The following MAST4 variants were observed in gnomAD, a reference collection of about 807,000 sequenced individuals.
MAST4 encodes microtubule-associated serine/threonine-protein kinase 4.
A neutral mutation model predicts 162.7 loss-of-function variants in MAST4; 89 were observed. That is an observed-to-expected ratio of 0.55 (90% CI 0.46 to 0.65). The LOEUF (loss-of-function observed/expected upper bound fraction) is 0.65. Among genes scored for constraint, MAST4 ranks in the 30% least tolerant of loss-of-function variants. MAST4 has a pLI of 0.00. For synonymous variants in MAST4, 1,479 were observed against 1,361.1 expected (o/e 1.09, Z -1.91); for missense variants, 3,153 against 3,374.0 (o/e 0.93, Z 1.62).
intron 1 of MAST4, among the ~76,000 whole-genome samples, chr5:66,669,293 A>T (rs1451730178): frequency 1.3e-5 from 2 of 152,190 alleles, no homozygotes; most frequent in African/African-American, 4.8e-5. Context: ...CATAGCTTCT[A>T]CAGAGTGGGC....
chr5:66,767,195 G>C (rs1017197155), intron 2 of MAST4, among the ~76,000 whole-genome samples: 6 of 151,588 alleles, frequency 4.0e-5, no homozygotes, highest in Non-Finnish European at 8.8e-5. Context: ...GTGTGTGTGT[G>C]TGTGTGTGTG....
At position 67,166,360 on chromosome 5, in the gene MAST4, T is replaced by G. The variant is rs777028603; in HGVS notation, c.7181T>G (p.Val2394Gly). The G allele has an allele frequency of 7.5e-6, 12 of 1,610,732 alleles. No individual in the cohort carries two copies. Among genetic ancestry groups the G allele is most frequent in the Non-Finnish European group, 1.0e-5 (12 of 1,178,586 alleles). Residue 2394 changes from valine to glycine, a missense_variant, in exon 29 of 29, where the codon GTG becomes GGG. Around this residue, in one of 7 missense-constraint regions of MAST4, gnomAD observed 1,644 missense variants for 1,495.0 expected, o/e 1.10. Transcript: ENST00000403625. The part of the protein sequence containing the change: ...GDKLEAGLSF[V>G]HSENRLKGAE... ...AAGCTCGAGGCCGGCCTTTCCTTTGTGCATAGCGAGAACCGGTTGAAAGGC... is the reference window on the plus strand; with the variant it reads ...AAGCTCGAGGCCGGCCTTTCCTTTGGGCATAGCGAGAACCGGTTGAAAGGC...
At chr5:67,071,268 A>C (rs2150665734) in intron 5 of MAST4, among the ~76,000 whole-genome samples, 1 of 152,346 alleles carries the variant, frequency 6.6e-6, no homozygotes, top group East Asian at 1.9e-4. Context: ...AATAAAATAA[A>C]ATAAAATAAT....
rs751533172 is a variant in MAST4 at position 67,104,425 on chromosome 5, C to A, written c.1206C>A (p.Asn402Lys). 1.9e-6 allele frequency: 3 copies of A among 1,613,748 alleles called. No individual in the cohort carries two copies. The highest frequency in any genetic ancestry group is 1.6e-4 in the Middle Eastern group (1 of 6,082). Residue 402 changes from asparagine (N) to lysine (K), a missense_variant, in exon 10 of 29, where the codon AAC (asparagine) becomes AAA (lysine). By Grantham distance (94) the Asn-to-Lys change is moderately conservative. Coordinates refer to ENST00000403625, the MANE Select transcript of MAST4 (RefSeq NM_001164664.2). ...KEIITSYSPD[N>K]VLPLADGVLS... The stretch of plus-strand genomic sequence containing the variant: ...TTATCACCAGCTACTCTCCTGACAA[C>A]GTTCTACCCTTAGCAGATGGAGTGC...
At chr5:66,824,973 G>A (rs886705272) in intron 3 of MAST4, among the ~76,000 whole-genome samples, 5 of 152,100 alleles carry the variant, frequency 3.3e-5, no homozygotes, top group African/African-American at 7.2e-5. Context: ...GAATGTGAAG[G>A]CCTCCTACAT....
chr5:66,917,179 C>T, intron 4 of MAST4: 1 of 536,398 alleles, frequency 1.9e-6, no homozygotes, highest in Non-Finnish European at 3.4e-6. Flanking sequence ...CTTTAAATTG[C>T]ATTTCCTTCA....
chr5:66,770,012 A>G (rs894352696), intron 2 of MAST4, among the ~76,000 whole-genome samples: 3 of 152,244 alleles, frequency 2.0e-5, no homozygotes, highest in Non-Finnish European at 4.4e-5. Context: ...ACTAATGACA[A>G]GAATTCTCTT....
chr5:66,742,223 C>T (rs891503311), intron 1 of MAST4, among the ~76,000 whole-genome samples: 3 of 152,184 alleles, frequency 2.0e-5, no homozygotes, highest in Non-Finnish European at 4.4e-5. Context: ...TACAGTTGCT[C>T]TCGCGGTTCA....
At chr5:66,876,396 C>T (rs886397773) in intron 3 of MAST4, among the ~76,000 whole-genome samples, 1 of 152,018 alleles carries the variant, frequency 6.6e-6, no homozygotes, top group South Asian at 2.1e-4. Context: ...CAGTAGTCAT[C>T]GGTTGGGCCA....
At chr5:66,610,779 C>T (rs1018326249) in intron 1 of MAST4, among the ~76,000 whole-genome samples, 2 of 152,232 alleles carry the variant, frequency 1.3e-5, no homozygotes, top group Non-Finnish European at 2.9e-5. Flanking sequence ...GAAGAAGGAA[C>T]CCACACATTC....
intron 3 of MAST4, among the ~76,000 whole-genome samples, chr5:66,830,713 A>T (rs1001883389): frequency 1.8e-4 from 27 of 152,248 alleles, no homozygotes; most frequent in Non-Finnish European, 2.4e-4. Context: ...GACATTACAT[A>T]GAGTAGCTGT....
At chr5:67,003,987 G>C (rs1278886668) in intron 4 of MAST4, 2 of 152,224 alleles carry the variant, frequency 1.3e-5, no homozygotes, top group Non-Finnish European at 2.9e-5. Context: ...TACAACCAGC[G>C]GCGTCCTGGC....
At chr5:66,871,604 GT>G (rs1451957385) in intron 3 of MAST4, among the ~76,000 whole-genome samples, 1 of 152,214 alleles carries the variant, frequency 6.6e-6, no homozygotes, top group Non-Finnish European at 1.5e-5. Context: ...TAATTGAACA[GT>G]TATTAGCAGA....
chr5:66,622,464 T>C (rs982865788), intron 1 of MAST4, among the ~76,000 whole-genome samples: 2 of 148,334 alleles, frequency 1.3e-5, no homozygotes, highest in Admixed American at 1.4e-4. Flanking sequence ...GCATAGTCAC[T>C]GGAAGGTTTT....
intron 11 of MAST4, among the ~76,000 whole-genome samples, chr5:67,110,980 C>T (rs1035311450): frequency 6.6e-6 from 1 of 152,158 alleles, no homozygotes; most frequent in African/African-American, 2.4e-5. Context: ...GCTGAGATTG[C>T]ACCACTGCAC....
rs192730287 is a variant in MAST4 at position 66,982,964 on chromosome 5, G to A, written c.675-71440G>A. Among the ~76,000 whole-genome samples, 642 of 152,336 alleles carry A rather than the reference G, an allele frequency of 4.2e-3. 2 individuals are homozygous for A. The highest frequency in any genetic ancestry group is 0.016 in the South Asian group (79 of 4,830). ...GAATTACACTAAAATAGATATCAAG[G>A]AATGCTGCCCCATTCATCAGGAGAG... On this transcript the variant is annotated intron_variant, in intron 4 of 28. Transcript: ENST00000403625.
intron 10 of MAST4, among the ~76,000 whole-genome samples, chr5:67,105,914 G>A (rs1765544821): frequency 6.6e-6 from 1 of 152,062 alleles, no homozygotes; most frequent in African/African-American, 2.4e-5. Context: ...ACACATAGAA[G>A]GACTTTAATA....
chr5:67,032,352 C>T (rs1037105107), intron 4 of MAST4, among the ~76,000 whole-genome samples: 3 of 152,106 alleles, frequency 2.0e-5, no homozygotes, highest in East Asian at 1.9e-4. Context: ...TCCCCACCCA[C>T]GTTTTTTGCA....
chr5:66,764,039 G>A (rs1753972207), intron 2 of MAST4, among the ~76,000 whole-genome samples: 2 of 152,198 alleles, frequency 1.3e-5, no homozygotes, highest in Admixed American at 6.5e-5. Flanking sequence ...TTTTGAACCC[G>A]AGTTTTTCTG....
Sources: allele counts gnomAD v4.1 joint callset (sites outside exome capture counted in the v4.1 genomes callset), GRCh38; gene constraint gnomAD v4.1.1; regional missense constraint gnomAD v4.1.1; transcripts MANE v1.5; gene names NCBI Gene and HGNC (gene_info 2026-07-23, HGNC 2026-07-21).